The following RYR3 variants were observed in gnomAD, a reference collection of about 807,000 sequenced individuals.
The protein encoded by RYR3 is ryanodine receptor 3, also known as brain ryanodine receptor-calcium release channel.
RYR3 carries 207 observed loss-of-function variants against 584.3 expected under a neutral mutation model. The ratio of observed to expected loss-of-function variants is 0.35; its 90% CI spans 0.32 to 0.40. RYR3 has a LOEUF of 0.40. RYR3 is among the 10% of genes least tolerant of loss of function. The pLI is 1.00. For synonymous variants in RYR3, 2,416 were observed against 2,248.5 expected (o/e 1.07, Z -2.11); for missense variants, 5,616 against 6,089.2 (o/e 0.92, Z 2.59).
At chr15:33,322,365 C>T (rs895686472) in intron 1 of RYR3, among the ~76,000 whole-genome samples, 16 of 152,106 alleles carry the variant, frequency 1.1e-4, no homozygotes, top group Admixed American at 3.9e-4. Flanking sequence ...AGAGAGGGAG[C>T]GGCAGGGGGA....
In RYR3 at chr15:33,638,508, CAG is replaced by C. The variant is rs542575431; in HGVS notation, c.3556+1961_3556+1962del. On this transcript the variant is annotated intron_variant, in intron 27 of 103. Coordinates refer to ENST00000634891, the MANE Select transcript of RYR3 (RefSeq NM_001036.6). Reference sequence around the variant, plus strand: ...GGAGATGAGAATCTCATATGTTGTGCAGAGTTACAAGAACTTTGTAAAGTCCA... The same window carrying C: ...GGAGATGAGAATCTCATATGTTGTGCAGTTACAAGAACTTTGTAAAGTCCA... 3.3e-5 allele frequency among the ~76,000 whole-genome samples: 5 copies of C among 152,296 alleles called. No individual in the cohort carries two copies. The East Asian group carries it at 9.6e-4, about 29-fold the overall frequency.
At position 33,769,167 on chromosome 15, in the gene RYR3, C is replaced by T. The variant is rs780013466; in HGVS notation, c.8811C>T (p.Asp2937=). 8 of 1,612,258 alleles carry T rather than the reference C, an allele frequency of 5.0e-6. No homozygotes were observed. Among genetic ancestry groups the T allele is most frequent in the Non-Finnish European group, 6.8e-6 (8 of 1,178,428 alleles). Reference sequence around the variant, plus strand: ...TTCACATCTTAGCTCAGACACTTGACACAAGGTAAGTCTGCCCAGTTTTTC... The same window carrying T: ...TTCACATCTTAGCTCAGACACTTGATACAAGGTAAGTCTGCCCAGTTTTTC... ...SCLHILAQTL[D]TRTVMKSGSE... is the part of the protein sequence containing the mutation. Residue 2937 remains aspartate, a synonymous_variant, in exon 62 of 104, where the codon GAC becomes GAT. Coordinates refer to ENST00000634891, the MANE Select transcript of RYR3 (RefSeq NM_001036.6).
intron 1 of RYR3, among the ~76,000 whole-genome samples, chr15:33,376,222 T>C (rs1219412009): frequency 6.6e-6 from 1 of 152,348 alleles, no homozygotes; most frequent in South Asian, 2.1e-4. Flanking sequence ...TAGTACCATA[T>C]ATACTTTTTT....
At chr15:33,640,116 A>C (rs898842306) in intron 27 of RYR3, among the ~76,000 whole-genome samples, 2 of 152,140 alleles carry the variant, frequency 1.3e-5, no homozygotes, top group African/African-American at 2.4e-5. Flanking sequence ...GTTCCTGCCC[A>C]TTGACCTGTC....
At chr15:33,679,848 AT>A (rs1436492152) in intron 38 of RYR3, among the ~76,000 whole-genome samples, 1 of 152,218 alleles carries the variant, frequency 6.6e-6, no homozygotes, top group Non-Finnish European at 1.5e-5. Context: ...AAGCTTTATG[AT>A]TTGGGAGATT....
chr15:33,370,141 A>T (rs1223172056), intron 1 of RYR3, among the ~76,000 whole-genome samples: 1 of 152,126 alleles, frequency 6.6e-6, no homozygotes, highest in African/African-American at 2.4e-5. Context: ...CATTGGTTTG[A>T]CTTGGAAGTA....
At chr15:33,746,818 T>A (rs1041123770) in intron 53 of RYR3, among the ~76,000 whole-genome samples, 7 of 150,332 alleles carry the variant, frequency 4.7e-5, no homozygotes, top group African/African-American at 1.7e-4. Context: ...TTTTTTTTTT[T>A]TCTCTTTTGA....
Position 33,599,208 on chromosome 15 carries a change from G to A in RYR3, c.1789-2211G>A, listed in dbSNP as rs931167023. Among the ~76,000 whole-genome samples the A allele has an allele frequency of 2.6e-5, 4 of 152,172 alleles. No homozygotes were observed. The East Asian group carries it at 5.8e-4, about 22-fold the overall frequency. Reference sequence around the variant, plus strand: ...TTAGCTCATGCTGGTACCAAGCACCGATAGGAGATTTGTCAAAGGTCAGGG... The same window carrying A: ...TTAGCTCATGCTGGTACCAAGCACCAATAGGAGATTTGTCAAAGGTCAGGG... On this transcript the variant is annotated intron_variant, in intron 16 of 103. Coordinates refer to ENST00000634891, the MANE Select transcript of RYR3 (RefSeq NM_001036.6).
chr15:33,803,838 C>G (rs1009288859), intron 69 of RYR3, among the ~76,000 whole-genome samples: 2 of 152,172 alleles, frequency 1.3e-5, no homozygotes, highest in Non-Finnish European at 2.9e-5. Context: ...GGGGTAGATT[C>G]AATGGCTTAG....
chr15:33,845,322 G>A (rs536140756), intron 93 of RYR3, among the ~76,000 whole-genome samples: 3 of 152,060 alleles, frequency 2.0e-5, no homozygotes, highest in Admixed American at 6.6e-5. Flanking sequence ...GTGCAAGCTC[G>A]GCTCACTGCA....
intron 15 of RYR3, among the ~76,000 whole-genome samples, chr15:33,585,646 G>A (rs7172076): frequency 0.2 from 30,680 of 152,066 alleles, 4,137 homozygotes; most frequent in East Asian, 0.56. Context: ...GTCTTCTCTT[G>A]TATCTATTTT....
At chr15:33,781,762 T>C (rs2074391776) in intron 65 of RYR3, among the ~76,000 whole-genome samples, 1 of 149,968 alleles carries the variant, frequency 6.7e-6, no homozygotes, top group African/African-American at 2.5e-5. Flanking sequence ...GCCTCAACTT[T>C]CCAAAGTCCC....
intron 1 of RYR3, among the ~76,000 whole-genome samples, chr15:33,420,766 C>G (rs2044182110): frequency 6.6e-6 from 1 of 152,042 alleles, no homozygotes; most frequent in Non-Finnish European, 1.5e-5. Flanking sequence ...GCTGTTGCTT[C>G]TGATAAGGCC....
intron 102 of RYR3, among the ~76,000 whole-genome samples, chr15:33,863,816 G>GGCTACCATTTTATTGTTTT (rs1390754154): frequency 6.6e-6 from 1 of 151,826 alleles, no homozygotes; most frequent in Middle Eastern, 3.2e-3. Flanking sequence ...TAAGAATTTG[G>GGCTACCATTTTATTGTTTT]GCTACCATTT....
At chr15:33,379,603 T>C (rs1184463564) in intron 1 of RYR3, among the ~76,000 whole-genome samples, 2 of 151,300 alleles carry the variant, frequency 1.3e-5, no homozygotes, top group South Asian at 2.1e-4. Context: ...TGTGTTAGGG[T>C]TCTCCATAGG....
Position 33,834,998 on chromosome 15 carries a change from G to C in RYR3, c.11494G>C (p.Ala3832Pro), listed in dbSNP as rs1401792313. The change falls in exon 87 of 104, where the codon GCT becomes CCT. Residue 3832 changes from alanine to proline, a missense_variant. This residue lies in a region of RYR3 where 954 missense variants were observed against 1,132.2 expected (regional missense o/e 0.84). Transcript: ENST00000634891. ...TTGCATTGGTAATCAACAGAGCCTGGCTCACAGCAGGCTGTGGGACGCAGT... is the reference window on the plus strand; with the variant it reads ...TTGCATTGGTAATCAACAGAGCCTGCCTCACAGCAGGCTGTGGGACGCAGT... ...GPCIGNQQSLAHSRLWDAVVG... is the reference protein window; with the variant it reads ...GPCIGNQQSLPHSRLWDAVVG... 1 of 1,613,902 alleles carries C rather than the reference G, an allele frequency of 6.2e-7. No homozygotes were observed. The highest frequency in any genetic ancestry group is 8.5e-7 in the Non-Finnish European group (1 of 1,179,836).
chr15:33,354,046 T>G (rs1973637398), intron 1 of RYR3, among the ~76,000 whole-genome samples: 1 of 152,242 alleles, frequency 6.6e-6, no homozygotes, highest in Non-Finnish European at 1.5e-5. Context: ...TTAGGGTCAC[T>G]CTTTTGATTC....
At chr15:33,577,767 T>C (rs1289216245) in intron 12 of RYR3, among the ~76,000 whole-genome samples, 2 of 152,056 alleles carry the variant, frequency 1.3e-5, no homozygotes, top group African/African-American at 4.8e-5. Context: ...AATTGACAAA[T>C]GGGATCCAAT....
At chr15:33,521,156 G>GT (rs1253406344) in intron 3 of RYR3, among the ~76,000 whole-genome samples, 18 of 152,066 alleles carry the variant, frequency 1.2e-4, no homozygotes. Flanking sequence ...ATAGCATCTC[G>GT]TTTGCAGTCT....
Sources: gnomAD v4.1 joint callset for allele counts (sites outside exome capture counted in the v4.1 genomes callset) on GRCh38, gnomAD v4.1.1 for gene constraint, gnomAD v4.1.1 regional missense constraint, MANE v1.5 for transcripts, NCBI Gene and HGNC (gene_info 2026-07-23, HGNC 2026-07-21) for gene names.